Variants in TPRG1 observed in about 807,000 individuals in gnomAD.
TPRG1 encodes the protein tumor protein p63 regulated 1, also known as tumor protein p63-regulated gene 1 protein.
TPRG1 carries 29 observed loss-of-function variants against 29.3 expected under a neutral mutation model. That is an observed-to-expected ratio of 0.99 (90% CI 0.74 to 1.35). The LOEUF is 1.35. TPRG1 is among the 40% of genes most tolerant of loss of function. The pLI, the probability that TPRG1 is intolerant of heterozygous loss-of-function variation, is 0.00. For missense variants in TPRG1, 327 were observed against 335.0 expected (o/e 0.98, Z 0.19); for synonymous variants, 130 against 116.8 (o/e 1.11, Z -0.73).
rs556010100 is a variant in TPRG1, at chr3:189,234,522, C to A, written c.303-4211C>A. On this transcript the variant is annotated intron_variant, in intron 3 of 5. Coordinates refer to ENST00000345063, the MANE Select transcript of TPRG1 (RefSeq NM_198485.4). Reference sequence around the variant, plus strand: ...CTCTTTCTCACTATTTTGGCATGAACATTTCCGCAATGTTACTGATTGTTT... The same window carrying A: ...CTCTTTCTCACTATTTTGGCATGAAAATTTCCGCAATGTTACTGATTGTTT... Among the ~76,000 whole-genome samples the A allele has an allele frequency of 3.3e-5, 5 of 152,284 alleles. No homozygotes were observed. The South Asian group carries it at 1.0e-3, about 32-fold the overall frequency.
intron 2 of TPRG1, among the ~76,000 whole-genome samples, chr3:189,208,706 T>C (rs930789466): frequency 6.6e-6 from 1 of 152,326 alleles, no homozygotes; most frequent in South Asian, 2.1e-4. Flanking sequence ...TGGTTTGTTT[T>C]CCGAAGTATG....
At chr3:189,034,020 T>G (rs1260975198) in intron 4 of TPRG1, among the ~76,000 whole-genome samples, 3 of 152,238 alleles carry the variant, frequency 2.0e-5, no homozygotes, top group Non-Finnish European at 1.5e-5. Flanking sequence ...GACATTAACT[T>G]TTAAAATATT....
At chr3:189,274,539 G>A (rs139446243) in intron 4 of TPRG1, among the ~76,000 whole-genome samples, 2 of 152,258 alleles carry the variant, frequency 1.3e-5, no homozygotes, top group Admixed American at 6.5e-5. Context: ...ACTCTTGTGT[G>A]TAGTAGGGTG....
chr3:189,071,921 G>A (rs933108818), intron 4 of TPRG1, among the ~76,000 whole-genome samples: 3 of 152,142 alleles, frequency 2.0e-5, no homozygotes, highest in Non-Finnish European at 2.9e-5. Flanking sequence ...AGCTGGGTTC[G>A]GGAAAACTGT....
rs113134041 is a variant in TPRG1 at position 189,251,230 on chromosome 3, G to T, written c.479+12321G>T. ...ATCAGAACTTAGCAGACAAGTGCCA[G>T]CATATCCATATACTGGTACTTAATA... On this transcript the variant is annotated intron_variant, in intron 4 of 5. Transcript: ENST00000345063. Among the ~76,000 whole-genome samples the T allele has an allele frequency of 5.5e-3, 836 of 152,192 alleles. 12 individuals are homozygous for T. Among genetic ancestry groups the T allele is most frequent in the African/African-American group, 0.019 (807 of 41,522 alleles).
At chr3:189,073,915 C>G (rs796772425) in intron 4 of TPRG1, among the ~76,000 whole-genome samples, 82 of 152,130 alleles carry the variant, frequency 5.4e-4, no homozygotes, top group African/African-American at 1.9e-3. Context: ...TTAGAAATTA[C>G]TCTGTATTAT....
intron 5 of TPRG1, among the ~76,000 whole-genome samples, chr3:189,313,450 G>T (rs1345766139): frequency 6.6e-6 from 1 of 152,060 alleles, no homozygotes; most frequent in East Asian, 1.9e-4. Flanking sequence ...GTAGAATATG[G>T]GGAAAATGCA....
chr3:189,114,656 C>G (rs1172222980), intron 1 of TPRG1, among the ~76,000 whole-genome samples: 2 of 152,126 alleles, frequency 1.3e-5, no homozygotes, highest in African/African-American at 4.8e-5. Context: ...TGCCCAGCCA[C>G]AAGGAAGAAG....
chr3:189,142,956 T>G (rs1724771177), intron 3 of TPRG1, among the ~76,000 whole-genome samples: 1 of 152,240 alleles, frequency 6.6e-6, no homozygotes, highest in Non-Finnish European at 1.5e-5. Context: ...TTTTCTTAAT[T>G]CTTTCAGTAT....
chr3:189,087,874 TTTGGTA>T (rs1041185196), intron 4 of TPRG1, among the ~76,000 whole-genome samples: 228 of 152,342 alleles, frequency 1.5e-3, no homozygotes, highest in African/African-American at 4.9e-3. Flanking sequence ...ATATCTCTGT[TTTGGTA>T]TTGGTACCAT....
chr3:189,088,272 A>G (rs1442642227), intron 4 of TPRG1, among the ~76,000 whole-genome samples: 1 of 152,000 alleles, frequency 6.6e-6, no homozygotes, highest in Non-Finnish European at 1.5e-5. Context: ...GCAATTGTGA[A>G]TGGGAGTTCA....
chr3:189,108,907 T>G (rs1720144864), intron 1 of TPRG1, among the ~76,000 whole-genome samples: 1 of 152,044 alleles, frequency 6.6e-6, no homozygotes, highest in Non-Finnish European at 1.5e-5. Context: ...TTTGCTCTCC[T>G]GCACCCCTGT....
intron 4 of TPRG1, among the ~76,000 whole-genome samples, chr3:189,088,014 T>G (rs1718074890): frequency 7.1e-6 from 1 of 141,464 alleles, no homozygotes; most frequent in Admixed American, 6.8e-5. Flanking sequence ...CATATGAACT[T>G]TAAAGTTTTT....
At chr3:189,181,307 T>A (rs1263116060) in intron 1 of TPRG1, among the ~76,000 whole-genome samples, 1 of 152,236 alleles carries the variant, frequency 6.6e-6, no homozygotes, top group Non-Finnish European at 1.5e-5. Flanking sequence ...CTTGAATTTC[T>A]CCTGAGAAAA....
At chr3:189,160,905 A>T (rs1030895799) in intron 5 of TPRG1, among the ~76,000 whole-genome samples, 2 of 152,210 alleles carry the variant, frequency 1.3e-5, no homozygotes, top group Non-Finnish European at 2.9e-5. Context: ...AGAATCTCTT[A>T]GTATGCTACT....
rs542035246 is a variant in TPRG1 at position 189,279,221 on chromosome 3, T to C, written c.480-31165T>C. ...CTTGATTTGGCCAGCAGATCCTAGT[T>C]TGCCAACCTTTTCCTGAAGAGAGTG... On this transcript the variant is annotated intron_variant, in intron 4 of 5. Transcript: ENST00000345063. Among the ~76,000 whole-genome samples the C allele has an allele frequency of 1.1e-4, 16 of 152,258 alleles. No individual in the cohort carries two copies. The East Asian group carries it at 1.4e-3, about 13-fold the overall frequency.
intron 4 of TPRG1, among the ~76,000 whole-genome samples, chr3:189,057,804 GTATATATA>G (rs1170680162): frequency 7.1e-6 from 1 of 140,750 alleles, no homozygotes; most frequent in African/African-American, 2.6e-5. Context: ...GGGTATGTAT[GTATATATA>G]TGTGTGTATA....
intron 1 of TPRG1, among the ~76,000 whole-genome samples, chr3:189,205,433 C>A (rs915413397): frequency 2.7e-4 from 41 of 152,340 alleles, no homozygotes; most frequent in Admixed American, 2.4e-3. Flanking sequence ...CAATAGCACC[C>A]TTTTCATGCC....
intron 4 of TPRG1, among the ~76,000 whole-genome samples, chr3:189,263,772 A>G (rs1460303831): frequency 6.6e-6 from 1 of 152,228 alleles, no homozygotes; most frequent in East Asian, 1.9e-4. Context: ...GTGATGCTGG[A>G]AAGATTTAAA....
Sources: gnomAD v4.1 joint callset for allele counts (sites outside exome capture counted in the v4.1 genomes callset) on GRCh38, gnomAD v4.1.1 for gene constraint, MANE v1.5 for transcripts, NCBI Gene and HGNC (gene_info 2026-07-23, HGNC 2026-07-21) for gene names.